GABRB1: variants seen among roughly 807,000 people sequenced by gnomAD.
GABRB1 encodes gamma-aminobutyric acid type A receptor subunit beta1, also known as gamma-aminobutyric acid receptor subunit beta-1.
In GABRB1, 17 loss-of-function variants were observed where a neutral mutation model predicts 51.6. The ratio of observed to expected loss-of-function variants is 0.33; its 90% CI spans 0.23 to 0.49. The LOEUF (loss-of-function observed/expected upper bound fraction) is 0.49. Among genes scored for constraint, GABRB1 ranks in the 20% least tolerant of loss-of-function variants. The pLI is 0.99. For missense variants in GABRB1, 410 were observed against 600.6 expected (o/e 0.68, Z 3.32); for synonymous variants, 247 against 218.9 (o/e 1.13, Z -1.14).
At chr4:47,223,862 C>G (rs754410649) in intron 4 of GABRB1, among the ~76,000 whole-genome samples, 15 of 152,116 alleles carry the variant, frequency 9.9e-5, no homozygotes, top group Non-Finnish European at 1.8e-4. Context: ...GTTGAAGACT[C>G]TCTCTTCCAC....
At chr4:47,061,107 A>C (rs1454353551) in intron 3 of GABRB1, among the ~76,000 whole-genome samples, 2 of 152,140 alleles carry the variant, frequency 1.3e-5, no homozygotes, top group African/African-American at 4.8e-5. Context: ...ACATAATTCT[A>C]TTTTTCTAAA....
chr4:47,028,981 C>G (rs1277346214), upstream of GABRB1, among the ~76,000 whole-genome samples: 3 of 151,222 alleles, frequency 2.0e-5, no homozygotes, highest in African/African-American at 7.3e-5. Flanking sequence ...GCACCTTGCT[C>G]TTGTTTCGTT....
intron 4 of GABRB1, among the ~76,000 whole-genome samples, chr4:47,209,319 G>A (rs953991916): frequency 2.0e-5 from 3 of 151,894 alleles, no homozygotes; most frequent in Non-Finnish European, 4.4e-5. Context: ...TAACTGAAAT[G>A]TTCCTGGATA....
intron 5 of GABRB1, among the ~76,000 whole-genome samples, chr4:47,384,305 C>G (rs1342058553): frequency 6.6e-6 from 1 of 151,492 alleles, no homozygotes; most frequent in Non-Finnish European, 1.5e-5. Context: ...CTGATTTTGG[C>G]AGGTTGAGGA....
intron 3 of GABRB1, among the ~76,000 whole-genome samples, chr4:47,108,578 C>T (rs1201455521): frequency 6.6e-6 from 1 of 151,984 alleles, no homozygotes; most frequent in Non-Finnish European, 1.5e-5. Flanking sequence ...GAATCTTCCA[C>T]CTAATCAAGT....
At chr4:47,382,000 T>G (rs756076733) in intron 5 of GABRB1, among the ~76,000 whole-genome samples, 2 of 152,198 alleles carry the variant, frequency 1.3e-5, no homozygotes, top group African/African-American at 4.8e-5. Flanking sequence ...AGGCTGGGGG[T>G]AGGGATAAGG....
chr4:47,087,037 G>A (rs1040314356), intron 3 of GABRB1, among the ~76,000 whole-genome samples: 8 of 152,114 alleles, frequency 5.3e-5, no homozygotes, highest in Admixed American at 3.3e-4. Context: ...TTCCACTTGG[G>A]CTCCACCTGG....
chr4:47,355,012 A>ATT, intron 5 of GABRB1, among the ~76,000 whole-genome samples: 1 of 56,770 alleles, frequency 1.8e-5, no homozygotes, highest in African/African-American at 7.2e-5. Flanking sequence ...TTTTGACAGA[A>ATT]TCTCTCTCTG....
intron 3 of GABRB1, among the ~76,000 whole-genome samples, chr4:47,055,490 C>A (rs1417340488): frequency 1.3e-5 from 2 of 152,148 alleles, no homozygotes; most frequent in African/African-American, 4.8e-5. Flanking sequence ...CACGAGCATG[C>A]ACTTTGTCGA....
At chr4:47,125,559 C>CGTTTTTTTTTTTTT (rs1716085126) in intron 3 of GABRB1, among the ~76,000 whole-genome samples, 1 of 80,696 alleles carries the variant, frequency 1.2e-5, no homozygotes, top group African/African-American at 3.9e-5. Context: ...AGTATAATTT[C>CGTTTTTTTTTTTTT]TTTTTTTTTT....
intron 3 of GABRB1, among the ~76,000 whole-genome samples, chr4:47,075,064 G>A (rs1183149661): frequency 6.6e-6 from 1 of 152,158 alleles, no homozygotes; most frequent in Non-Finnish European, 1.5e-5. Context: ...ATGTGAGGCT[G>A]TATAAGTCAT....
chr4:47,391,577 C>G (rs1727993238), intron 5 of GABRB1, among the ~76,000 whole-genome samples: 1 of 152,202 alleles, frequency 6.6e-6, no homozygotes, highest in Admixed American at 6.5e-5. Context: ...TGTAGTCCAT[C>G]ACTTCTGTCA....
chr4:47,143,679 C>T (rs1717030210), intron 3 of GABRB1, among the ~76,000 whole-genome samples: 1 of 151,762 alleles, frequency 6.6e-6, no homozygotes, highest in African/African-American at 2.4e-5. Flanking sequence ...TTTGCATATT[C>T]AAAAATAATC....
chr4:46,997,569 A>G (rs1187582296), intron 1 of GABRB1, among the ~76,000 whole-genome samples: 1 of 152,036 alleles, frequency 6.6e-6, no homozygotes, highest in Non-Finnish European at 1.5e-5. Flanking sequence ...CTATTTATAG[A>G]TTCCACAAAT....
At chr4:47,068,573 G>A (rs578022909) in intron 3 of GABRB1, among the ~76,000 whole-genome samples, 1 of 152,268 alleles carries the variant, frequency 6.6e-6, no homozygotes, top group Admixed American at 6.5e-5. Context: ...GAATAGGAAG[G>A]CTCAAAGAGT....
At chr4:47,233,114 A>C (rs1397588399) in intron 4 of GABRB1, among the ~76,000 whole-genome samples, 1 of 152,080 alleles carries the variant, frequency 6.6e-6, no homozygotes, top group Non-Finnish European at 1.5e-5. Flanking sequence ...GAGCTCAGGC[A>C]GTCCGCCTGC....
chr4:47,173,305 C>A, intron 4 of GABRB1, among the ~76,000 whole-genome samples: 1 of 151,916 alleles, frequency 6.6e-6, no homozygotes, highest in South Asian at 2.1e-4. Flanking sequence ...ATTAATGAGC[C>A]CCTTAAGGTG....
At chr4:47,260,332 A>C (rs1426392516) in intron 4 of GABRB1, among the ~76,000 whole-genome samples, 1 of 152,000 alleles carries the variant, frequency 6.6e-6, no homozygotes, top group East Asian at 1.9e-4. Flanking sequence ...TTACATTTAA[A>C]GTTAATATTG....
At chr4:47,005,009 GGAGA>G (rs2109432678) in intron 1 of GABRB1, among the ~76,000 whole-genome samples, 1 of 152,340 alleles carries the variant, frequency 6.6e-6, no homozygotes, top group Admixed American at 6.5e-5. Context: ...TCACCTAGAT[GGAGA>G]GAGAGCCAAA....
Sources: allele counts gnomAD v4.1 joint callset (sites outside exome capture counted in the v4.1 genomes callset), GRCh38; gene constraint gnomAD v4.1.1; transcripts MANE v1.5; gene names NCBI Gene and HGNC (gene_info 2026-07-23, HGNC 2026-07-21).